The following TBX5 variants were observed in gnomAD, a reference collection of about 807,000 sequenced individuals.
The protein encoded by TBX5 is T-box transcription factor 5.
TBX5 carries 8 observed loss-of-function variants against 51.1 expected under a neutral mutation model. The observed-to-expected ratio is 0.16, with a 90% CI of 0.09 to 0.28. The LOEUF (loss-of-function observed/expected upper bound fraction) is 0.28, where lower values mean the gene tolerates loss of function less well. Among genes scored for constraint, TBX5 ranks in the 10% least tolerant of loss-of-function variants. The pLI, the probability that TBX5 is intolerant of heterozygous loss-of-function variation, is 1.00. For synonymous variants in TBX5, 302 were observed against 266.4 expected (o/e 1.13, Z -1.30); for missense variants, 589 against 671.7 (o/e 0.88, Z 1.36).
chr12:114,355,938 G>A lies in TBX5; in HGVS notation c.1151C>T (p.Ala384Val), dbSNP rs530882236. Residue 384 changes from alanine (A) to valine (V), a missense_variant, in exon 9 of 9, where the codon GCG becomes GTG. By Grantham distance (64) the Ala-to-Val change is moderately conservative (BLOSUM62 0). Transcript: ENST00000405440. The stretch of plus-strand genomic sequence containing the variant: ...GCTGGGCACAGGCTCGCTGGGGGGC[G>A]CAGAGCTGGCATACATGCAAGCTTG... ...QRQACMYASS[A>V]PPSEPVPSLE... The A allele has an allele frequency of 3.0e-5, 48 of 1,613,760 alleles. No homozygotes were observed. In the African/African-American group the frequency reaches 4.0e-4, roughly 13 times the overall value.
chr12:114,389,932 A>G (rs10744825), intron 6 of TBX5, among the ~76,000 whole-genome samples: 149,702 of 151,994 alleles, frequency 0.98, 73,734 homozygotes, highest in East Asian at 1. Flanking sequence ...CATGATGTCC[A>G]TGCTCCACCA....
At chr12:114,402,026 C>T in intron 2 of TBX5, 106 bp from the exon 3 acceptor site, 1 of 1,019,578 alleles carries the variant, frequency 9.8e-7, no homozygotes, top group Non-Finnish European at 1.5e-6. Flanking sequence ...CCCGCTGGAG[C>T]CTGTGGTCTC....
At chr12:114,384,316 T>C (rs1870674761) in intron 7 of TBX5, among the ~76,000 whole-genome samples, 1 of 151,884 alleles carries the variant, frequency 6.6e-6, no homozygotes, top group African/African-American at 2.4e-5. Context: ...TGCTATGTTG[T>C]CCCAACTGCA....
intron 7 of TBX5, among the ~76,000 whole-genome samples, chr12:114,376,086 A>G (rs1303203439): frequency 6.6e-6 from 1 of 152,102 alleles, no homozygotes; most frequent in East Asian, 1.9e-4. Flanking sequence ...TAGAACTCTC[A>G]TATGACCCAG....
chr12:114,357,956 TTTA>T (rs1272029603), intron 8 of TBX5, among the ~76,000 whole-genome samples: 3 of 152,228 alleles, frequency 2.0e-5, no homozygotes, highest in Non-Finnish European at 2.9e-5. Flanking sequence ...AGAGCTATTA[TTTA>T]TTGAGTACCT....
rs192482520 is a variant in TBX5, at chr12:114,398,560, C to T, written c.510+13G>A. On this transcript the variant is annotated intron_variant, in intron 5 of 8. Transcript: ENST00000405440. ...AGGGAGACAAGGCGGGGAATCCAGG[C>T]CACGGTACTCACATGCCCAAATGGG... The T allele has an allele frequency of 1.2e-5, 20 of 1,611,630 alleles. No homozygotes were observed. Among genetic ancestry groups the T allele is most frequent in the Non-Finnish European group, 1.5e-5 (18 of 1,178,962 alleles).
intron 7 of TBX5, among the ~76,000 whole-genome samples, chr12:114,369,674 T>C (rs772987302): frequency 2.6e-5 from 4 of 152,162 alleles, no homozygotes; most frequent in Non-Finnish European, 4.4e-5. Context: ...GTCCTCCAGA[T>C]GAGAAGATAA....
intron 4 of TBX5, among the ~76,000 whole-genome samples, chr12:114,399,067 T>C (rs747791362): frequency 3.3e-5 from 5 of 152,188 alleles, no homozygotes; most frequent in Non-Finnish European, 7.3e-5. Context: ...CTGGCAGCCA[T>C]GGGAACGATT....
intron 6 of TBX5, among the ~76,000 whole-genome samples, chr12:114,389,799 G>A (rs919766466): frequency 1.1e-4 from 14 of 124,060 alleles, no homozygotes; most frequent in African/African-American, 3.1e-5. Context: ...AGTGGATGAA[G>A]GACACCTTTT....
chr12:114,384,979 G>A (rs927138614), intron 7 of TBX5, among the ~76,000 whole-genome samples: 3 of 151,966 alleles, frequency 2.0e-5, no homozygotes, highest in African/African-American at 7.3e-5. Context: ...AAAATACCGA[G>A]CAATTTTTAG....
intron 6 of TBX5, among the ~76,000 whole-genome samples, chr12:114,393,497 C>T (rs3782465): frequency 0.034 from 5,133 of 152,216 alleles, 97 homozygotes; most frequent in African/African-American, 0.05. Flanking sequence ...ACATTAAATC[C>T]CTCCTGCCAC....
chr12:114,398,864 G>A lies in TBX5; in HGVS notation c.363-144C>T, dbSNP rs113752126. The A allele has an allele frequency of 6.4e-4, 672 of 1,051,616 alleles. 2 individuals are homozygous for A. In the African/African-American group the frequency reaches 9.5e-3, roughly 15 times the overall value. The allele number at this position is 1,051,616 out of a possible 1,614,324, so 65.1% of individuals were successfully genotyped here. A position where few individuals can be genotyped will look rare whatever the true frequency, so the allele number is the denominator to read the frequency against. On this transcript the variant is annotated intron_variant, in intron 4 of 8. Transcript: ENST00000405440. ...TCTGGAGGCTCTCCCGTCTCCCTTAGGTATCTGCAATCCCAGCTGCCCCAG... is the reference window on the plus strand; with the variant it reads ...TCTGGAGGCTCTCCCGTCTCCCTTAAGTATCTGCAATCCCAGCTGCCCCAG...
chr12:114,374,879 A>G (rs1266196110), intron 7 of TBX5, among the ~76,000 whole-genome samples: 6 of 152,122 alleles, frequency 3.9e-5, no homozygotes, highest in Admixed American at 2.0e-4. Flanking sequence ...AAAAAGAAGG[A>G]GGGAGGGAGA....
At chr12:114,389,082 A>C (rs2555022) in intron 6 of TBX5, among the ~76,000 whole-genome samples, 88,553 of 151,534 alleles carry the variant, frequency 0.58, 26,490 homozygotes, top group Admixed American at 0.72. Context: ...GTGCCCACCA[A>C]CACACCTGGC....
Position 114,356,080 on chromosome 12 carries a change from G to A in TBX5, c.1009C>T (p.Pro337Ser). ...GTCTCCATGTAGGGCTTCTTATAGG[G>A]ATGGTCTGTGGTGGAACATTCTTCC... ...KEEECSTTDH[P>S]YKKPYMETSP... Residue 337 changes from proline to serine, a missense_variant, in exon 9 of 9, where the codon CCC becomes TCC. Pro to Ser is a moderately conservative substitution (Grantham distance 74). Around this residue, in one of 7 missense-constraint regions of TBX5, gnomAD observed 348 missense variants for 360.4 expected, o/e 0.97. Transcript: ENST00000405440. 1 of 1,612,916 alleles carries A rather than the reference G, an allele frequency of 6.2e-7. No individual in the cohort carries two copies. Among genetic ancestry groups the A allele is most frequent in the Non-Finnish European group, 8.5e-7 (1 of 1,180,028 alleles).
chr12:114,397,488 T>C (rs1445741196), intron 5 of TBX5, among the ~76,000 whole-genome samples: 1 of 152,226 alleles, frequency 6.6e-6, no homozygotes, highest in Admixed American at 6.5e-5. Context: ...CGTGTTCTGT[T>C]CTAGTAATTA....
chr12:114,403,893 G>C lies in TBX5; in HGVS notation c.6C>G (p.Ala2=), dbSNP rs752191065. The change falls in exon 2 of 9, where the codon GCC becomes GCG. Residue 2 remains alanine (A), a synonymous_variant. Transcript: ENST00000405440. The part of the protein sequence containing the change: M[A]DADEGFGLAH... Reference sequence around the variant, plus strand: ...CCAGGCCAAAGCCCTCGTCTGCGTCGGCCATGGTGCGCCCAGGGCCCTGTG... The same window carrying C: ...CCAGGCCAAAGCCCTCGTCTGCGTCCGCCATGGTGCGCCCAGGGCCCTGTG... 8.7e-6 allele frequency: 14 copies of C among 1,612,234 alleles called. No homozygotes were observed. Among genetic ancestry groups the C allele is most frequent in the Non-Finnish European group, 1.1e-5 (13 of 1,179,866 alleles).
chr12:114,387,051 A>G (rs1362134418), intron 6 of TBX5, among the ~76,000 whole-genome samples: 1 of 151,654 alleles, frequency 6.6e-6, no homozygotes, highest in Admixed American at 6.6e-5. Flanking sequence ...GATTGCAGTG[A>G]GCCGAGATCA....
chr12:114,379,014 G>T (rs188481995), intron 7 of TBX5, among the ~76,000 whole-genome samples: 348 of 152,284 alleles, frequency 2.3e-3, no homozygotes, highest in Non-Finnish European at 3.6e-3. Flanking sequence ...CCAAGCTAGA[G>T]AGGCCACATT....
Sources: allele counts gnomAD v4.1 joint callset (sites outside exome capture counted in the v4.1 genomes callset), GRCh38; gene constraint gnomAD v4.1.1; regional missense constraint gnomAD v4.1.1; transcripts MANE v1.5; gene names NCBI Gene and HGNC (gene_info 2026-07-23, HGNC 2026-07-21).